Variants in CDK14 observed in about 807,000 individuals in gnomAD.
CDK14 encodes the protein cyclin dependent kinase 14.
Under a neutral mutation model 60.7 loss-of-function variants are expected in CDK14, and 34 were observed. The ratio of observed to expected loss-of-function variants is 0.56; its 90% CI spans 0.43 to 0.75. The LOEUF (loss-of-function observed/expected upper bound fraction) is 0.75, where lower values mean the gene tolerates loss of function less well. CDK14 is among the 30% of genes least tolerant of loss of function. The pLI, the probability that CDK14 is intolerant of heterozygous loss-of-function variation, is 0.00. For missense variants in CDK14, 482 were observed against 564.1 expected (o/e 0.85, Z 1.47); for synonymous variants, 197 against 203.7 (o/e 0.97, Z 0.28).
At chr7:90,806,908 C>T (rs886717520) in intron 5 of CDK14, among the ~76,000 whole-genome samples, 5 of 152,266 alleles carry the variant, frequency 3.3e-5, no homozygotes, top group Middle Eastern at 3.4e-3. Context: ...AAGGTAGCAG[C>T]GAGGCTGGGG....
chr7:90,909,106 A>G (rs542212673), intron 7 of CDK14, among the ~76,000 whole-genome samples: 5 of 152,166 alleles, frequency 3.3e-5, no homozygotes, highest in Non-Finnish European at 7.4e-5. Flanking sequence ...AGAGAGTAGC[A>G]TAAGTTCCCA....
At chr7:91,172,282 C>T (rs1801544426) in intron 14 of CDK14, among the ~76,000 whole-genome samples, 1 of 152,182 alleles carries the variant, frequency 6.6e-6, no homozygotes, top group African/African-American at 2.4e-5. Context: ...TCAGTATCTT[C>T]CATGACTTGC....
At chr7:90,705,395 T>C (rs1801875579) in intron 2 of CDK14, among the ~76,000 whole-genome samples, 1 of 152,112 alleles carries the variant, frequency 6.6e-6, no homozygotes, top group Non-Finnish European at 1.5e-5. Flanking sequence ...TTTCTTCAGT[T>C]CTTTTTTCCA....
intron 2 of CDK14, among the ~76,000 whole-genome samples, chr7:90,689,119 C>G (rs1801503043): frequency 1.3e-5 from 2 of 152,112 alleles, no homozygotes; most frequent in African/African-American, 4.8e-5. Context: ...AGTATCAATA[C>G]TGTAGTTGTA....
At chr7:90,888,077 C>T (rs181356087) in intron 6 of CDK14, among the ~76,000 whole-genome samples, 105 of 152,190 alleles carry the variant, frequency 6.9e-4, no homozygotes, top group Middle Eastern at 3.4e-3. Flanking sequence ...GTAGGCCAGG[C>T]GCAATGGCTC....
chr7:91,150,030 G>A lies in CDK14; in HGVS notation c.*28+31822G>A, dbSNP rs140516722. On this transcript the variant is annotated intron_variant, in intron 14 of 14. Transcript: ENST00000380050. The stretch of plus-strand genomic sequence containing the variant: ...AGCTGCCACGGTTACAGAGCAAGCA[G>A]CTTAAAGGGCTTCAGGGTTCCAAGT... Among the ~76,000 whole-genome samples, 651 of 152,298 alleles carry A rather than the reference G, an allele frequency of 4.3e-3. 4 individuals carry two copies. The highest frequency in any genetic ancestry group is 7.2e-3 in the Non-Finnish European group (493 of 68,024).
chr7:90,928,194 C>T (rs1387006360), intron 8 of CDK14, among the ~76,000 whole-genome samples: 9 of 151,984 alleles, frequency 5.9e-5, no homozygotes, highest in Admixed American at 1.3e-4. Flanking sequence ...TTGTTATTAC[C>T]GAACGTCTGA....
At chr7:91,110,682 CT>C (rs1330245874) in intron 12 of CDK14, among the ~76,000 whole-genome samples, 14 of 152,174 alleles carry the variant, frequency 9.2e-5, no homozygotes, top group East Asian at 3.9e-4. Context: ...AATAATATTC[CT>C]TTTTTTCTTT....
intron 5 of CDK14, among the ~76,000 whole-genome samples, chr7:90,798,105 G>A (rs6969935): frequency 0.92 from 140,133 of 151,956 alleles, 64,820 homozygotes; most frequent in East Asian, 1. Context: ...AAAATAGTTG[G>A]GGCCTTGATC....
chr7:91,104,070 G>GT (rs77913582), intron 12 of CDK14, among the ~76,000 whole-genome samples: 17 of 151,688 alleles, frequency 1.1e-4, no homozygotes, highest in Admixed American at 3.9e-4. Context: ...AAATTCCTTA[G>GT]TTTTTTTTTA....
intron 3 of CDK14, among the ~76,000 whole-genome samples, chr7:90,732,457 A>G (rs187970852): frequency 1.3e-5 from 2 of 152,248 alleles, no homozygotes; most frequent in East Asian, 3.9e-4. Flanking sequence ...TCGGCTGTGA[A>G]TCCTTCTGGT....
intron 10 of CDK14, among the ~76,000 whole-genome samples, chr7:90,994,963 A>G (rs1315727432): frequency 6.6e-6 from 1 of 152,128 alleles, no homozygotes; most frequent in African/African-American, 2.4e-5. Context: ...CCCCACGTAA[A>G]TCTGATTTCT....
chr7:91,092,874 G>C (rs1035487812), intron 12 of CDK14, among the ~76,000 whole-genome samples: 1 of 152,114 alleles, frequency 6.6e-6, no homozygotes, highest in Admixed American at 6.6e-5. Flanking sequence ...AGAAGGAAAC[G>C]ATCTTTTTGA....
chr7:90,851,842 A>G (rs150929770), intron 5 of CDK14, among the ~76,000 whole-genome samples: 181 of 151,974 alleles, frequency 1.2e-3, no homozygotes, highest in African/African-American at 4.0e-3. Flanking sequence ...TTATTTTTAG[A>G]GACAGAGTTT....
chr7:90,676,143 C>T (rs890746761), intron 2 of CDK14, among the ~76,000 whole-genome samples: 3 of 152,168 alleles, frequency 2.0e-5, no homozygotes, highest in African/African-American at 4.8e-5. Flanking sequence ...CTTTCACAAT[C>T]ATAGAGGTTG....
chr7:90,599,645 T>G (rs1037754514), intron 1 of CDK14, among the ~76,000 whole-genome samples: 2 of 152,222 alleles, frequency 1.3e-5, no homozygotes, highest in Non-Finnish European at 2.9e-5. Flanking sequence ...TCTTCATTGG[T>G]ACTTCATGAG....
chr7:90,612,475 TAGTAAGATTTTA>T (rs1312967488), intron 2 of CDK14, among the ~76,000 whole-genome samples: 2 of 152,030 alleles, frequency 1.3e-5, no homozygotes, highest in Non-Finnish European at 2.9e-5. Flanking sequence ...CTCTCTCTTA[TAGTAAGATTTTA>T]TAGGCCAGGC....
At chr7:90,809,373 T>A (rs1166765482) in intron 5 of CDK14, among the ~76,000 whole-genome samples, 1 of 152,062 alleles carries the variant, frequency 6.6e-6, no homozygotes, top group Non-Finnish European at 1.5e-5. Flanking sequence ...GAATGACTGC[T>A]GGGTACATAA....
intron 2 of CDK14, among the ~76,000 whole-genome samples, chr7:90,712,705 A>G (rs370506629): frequency 2.6e-5 from 4 of 152,234 alleles, no homozygotes; most frequent in South Asian, 4.1e-4. Flanking sequence ...ATTATAATTG[A>G]GATGCTAAGA....
Sources: gnomAD v4.1 joint callset for allele counts (sites outside exome capture counted in the v4.1 genomes callset) on GRCh38, gnomAD v4.1.1 for gene constraint, MANE v1.5 for transcripts, NCBI Gene and HGNC (gene_info 2026-07-23, HGNC 2026-07-21) for gene names.